Variants in TACC2 observed in about 807,000 individuals in gnomAD.
TACC2 encodes the protein transforming acidic coiled-coil containing protein 2.
A neutral mutation model predicts 227.3 loss-of-function variants in TACC2; 137 were observed. The ratio of observed to expected loss-of-function variants is 0.60; its 90% confidence interval spans 0.52 to 0.69. The LOEUF is 0.69. Ranked by LOEUF, TACC2 falls within the 30% of genes least tolerant of loss-of-function variation. The probability of loss-of-function intolerance (pLI) is 0.00; values close to 1 mark genes in which losing one functional copy is unlikely to be tolerated. For synonymous variants in TACC2, 1,523 were observed against 1,487.5 expected (o/e 1.02, Z -0.55); for missense variants, 3,470 against 3,694.4 (o/e 0.94, Z 1.57).
At chr10:122,142,707 G>T (rs1330588596) in intron 6 of TACC2, among the ~76,000 whole-genome samples, 5 of 152,210 alleles carry the variant, frequency 3.3e-5, no homozygotes, top group Non-Finnish European at 5.9e-5. Context: ...TGGGTTTCAG[G>T]CCGTCTGTGC....
intron 1 of TACC2, among the ~76,000 whole-genome samples, chr10:122,005,534 A>G (rs138786670): frequency 0.16 from 23,392 of 149,682 alleles, 2,137 homozygotes; most frequent in Admixed American, 0.23. Flanking sequence ...ACAGGCGCTC[A>G]CCACCACGCC....
intron 2 of TACC2, among the ~76,000 whole-genome samples, chr10:122,046,275 C>G (rs2136112925): frequency 6.6e-6 from 1 of 151,712 alleles, no homozygotes; most frequent in Non-Finnish European, 1.5e-5. Context: ...GAGATTGAGA[C>G]CATCCTGGCT....
At chr10:122,236,450 G>C (rs1392493179) in intron 16 of TACC2, among the ~76,000 whole-genome samples, 1 of 152,236 alleles carries the variant, frequency 6.6e-6, no homozygotes, top group Non-Finnish European at 1.5e-5. Flanking sequence ...CTGAGAGTGT[G>C]GTTGGTTTGA....
intron 7 of TACC2, among the ~76,000 whole-genome samples, chr10:122,164,351 T>G (rs568495822): frequency 3.7e-4 from 56 of 151,930 alleles, no homozygotes; most frequent in African/African-American, 1.3e-3. Context: ...GAAGAACCCA[T>G]GAGCGTGGCA....
At chr10:122,179,276 T>C (rs1282235324) in intron 7 of TACC2, among the ~76,000 whole-genome samples, 1 of 152,232 alleles carries the variant, frequency 6.6e-6, no homozygotes, top group Non-Finnish European at 1.5e-5. Context: ...AGAGCTCTGA[T>C]ATGTAATTGA....
At chr10:122,159,677 T>C (rs904742119) in intron 7 of TACC2, among the ~76,000 whole-genome samples, 1 of 152,124 alleles carries the variant, frequency 6.6e-6, no homozygotes, top group Non-Finnish European at 1.5e-5. Context: ...CCAGCCTCCC[T>C]CTGCTCGCCA....
At chr10:122,131,394 G>A (rs1368988121) in intron 5 of TACC2, among the ~76,000 whole-genome samples, 1 of 152,088 alleles carries the variant, frequency 6.6e-6, no homozygotes. Context: ...AAATAATAGG[G>A]TAACTGACTA....
chr10:122,211,803 A>G lies in TACC2; in HGVS notation c.7283+95A>G. On this transcript the variant is annotated intron_variant, in intron 9 of 22. Coordinates refer to ENST00000369005, the MANE Select transcript of TACC2 (RefSeq NM_206862.4). ...TGCCTGGATAACCTTCGACTGCCCT[A>G]ACCTTGCCCCTGGGTGCTGTGATGA... 7 of 1,123,574 alleles carry G rather than the reference A, an allele frequency of 6.2e-6. No homozygotes were observed. The South Asian group carries it at 1.2e-4, about 19-fold the overall frequency. The allele number at this position is 1,123,574 out of a possible 1,614,324, so 69.6% of individuals were successfully genotyped here.
intron 1 of TACC2, among the ~76,000 whole-genome samples, chr10:122,007,553 T>C (rs1565051555): frequency 6.6e-6 from 1 of 152,186 alleles, no homozygotes; most frequent in Non-Finnish European, 1.5e-5. Flanking sequence ...ACCTTCTTCT[T>C]GTCCGTTTTT....
chr10:122,073,424 C>T (rs2078378928), intron 3 of TACC2, among the ~76,000 whole-genome samples: 1 of 152,086 alleles, frequency 6.6e-6, no homozygotes, highest in Admixed American at 6.6e-5. Context: ...GGTTGACAAG[C>T]AGATCCCACC....
At chr10:122,026,658 A>C (rs943081232) in intron 2 of TACC2, among the ~76,000 whole-genome samples, 1 of 150,574 alleles carries the variant, frequency 6.6e-6, no homozygotes. Flanking sequence ...AATCCCTGGC[A>C]ACCATGAATC....
chr10:122,244,092 G>A (rs1167348593), intron 19 of TACC2, among the ~76,000 whole-genome samples: 1 of 152,168 alleles, frequency 6.6e-6, no homozygotes, highest in East Asian at 1.9e-4. Context: ...GGCAGTGTGA[G>A]TTCCCTCCAA....
chr10:122,062,113 A>G (rs916894885), intron 3 of TACC2, among the ~76,000 whole-genome samples: 4 of 144,420 alleles, frequency 2.8e-5, no homozygotes, highest in Non-Finnish European at 6.0e-5. Context: ...GCTCACTGCA[A>G]GCTCCGCCTC....
In TACC2 at chr10:122,085,660, C is replaced by G; in HGVS notation, c.3160C>G (p.Leu1054Val). ...PPCQPDSVAL[L>V]DAVPCLPALA... Reference sequence around the variant, plus strand: ...TTGTCAGCCTGACTCAGTAGCTCTCCTGGATGCAGTTCCCTGCCTGCCAGC... The same window carrying G: ...TTGTCAGCCTGACTCAGTAGCTCTCGTGGATGCAGTTCCCTGCCTGCCAGC... The change falls in exon 4 of 23, where the codon CTG (leucine) becomes GTG (valine). Residue 1054 changes from leucine (L) to valine (V), a missense_variant. Leu to Val is a conservative substitution (Grantham distance 32). Coordinates refer to ENST00000369005, the MANE Select transcript of TACC2 (RefSeq NM_206862.4). 6.2e-7 allele frequency: 1 copy of G among 1,613,598 alleles called. No homozygotes were observed.
chr10:122,012,822 G>A (rs1956117581), intron 1 of TACC2, among the ~76,000 whole-genome samples: 1 of 151,628 alleles, frequency 6.6e-6, no homozygotes, highest in Admixed American at 6.6e-5. Context: ...GCACCATGTG[G>A]GGGTGCTGCA....
intron 7 of TACC2, among the ~76,000 whole-genome samples, chr10:122,157,386 GGAA>G (rs910314682): frequency 1.3e-5 from 2 of 152,152 alleles, no homozygotes; most frequent in African/African-American, 4.8e-5. Context: ...ATAGCTATAT[GGAA>G]GAATATTGTA....
intron 5 of TACC2, among the ~76,000 whole-genome samples, chr10:122,100,186 C>T (rs1393084314): frequency 6.6e-6 from 1 of 151,454 alleles, no homozygotes; most frequent in East Asian, 2.0e-4. Context: ...ATCGTTTGAA[C>T]TTGGGAGGCG....
Position 122,205,416 on chromosome 10 carries a change from T to C in TACC2, c.5972-4981T>C, listed in dbSNP as rs757784192. Among the ~76,000 whole-genome samples, 9 of 152,208 alleles carry C rather than the reference T, an allele frequency of 5.9e-5. No homozygotes were observed. Among genetic ancestry groups the C allele is most frequent in the Non-Finnish European group, 8.8e-5 (6 of 68,028 alleles). On this transcript the variant is annotated intron_variant, in intron 8 of 22. Coordinates refer to ENST00000369005, the MANE Select transcript of TACC2 (RefSeq NM_206862.4). This position sits in a 1 kb window ranked among gnomAD's most constrained non-coding sequence, Gnocchi z 4.5. The stretch of plus-strand genomic sequence containing the variant: ...GGAGGGTGGGCACCAAAGGACAGCC[T>C]CTGCCTGGTACTTCTGCAGCACTGA...
At chr10:122,056,223 G>A (rs1320840268) in intron 3 of TACC2, among the ~76,000 whole-genome samples, 2 of 152,214 alleles carry the variant, frequency 1.3e-5, no homozygotes, top group Non-Finnish European at 2.9e-5. Flanking sequence ...CGCCCAGGCT[G>A]GAGTGTAATG....
Sources: allele counts gnomAD v4.1 joint callset (sites outside exome capture counted in the v4.1 genomes callset), GRCh38; gene constraint gnomAD v4.1.1; non-coding constraint Gnocchi (gnomAD v3.1); transcripts MANE v1.5; gene names NCBI Gene and HGNC (gene_info 2026-07-23, HGNC 2026-07-21).